Variants in IL3RA observed in about 807,000 individuals in gnomAD.
IL3RA encodes the protein interleukin 3 receptor subunit alpha, also known as interleukin-3 receptor subunit alpha.
IL3RA carries 73 observed loss-of-function variants against 52.3 expected under a neutral mutation model. That is an observed-to-expected ratio of 1.40 (90% CI 1.16 to 1.70). The LOEUF (loss-of-function observed/expected upper bound fraction) is 1.70, where lower values mean the gene tolerates loss of function less well. IL3RA is among the 40% of genes most tolerant of loss of function. The pLI, the probability that IL3RA is intolerant of heterozygous loss-of-function variation, is 0.00. For missense variants in IL3RA, 664 were observed against 504.4 expected (o/e 1.32, Z -3.03); for synonymous variants, 260 against 194.0 (o/e 1.34, Z -2.83).
intron 8 of IL3RA, among the ~76,000 whole-genome samples, chrX:1,362,120 GTC>G (rs201598218): frequency 2.1e-5 from 3 of 144,256 alleles, no homozygotes; most frequent in Non-Finnish European, 3.1e-5. Flanking sequence ...CTGTCTCTTT[GTC>G]TCTCTATGTC....
intron 8 of IL3RA, among the ~76,000 whole-genome samples, chrX:1,363,082 C>T (rs2087591460): frequency 6.6e-6 from 1 of 150,910 alleles, no homozygotes; most frequent in Admixed American, 6.6e-5. Flanking sequence ...GGCCACGTCT[C>T]CTCTTCTTAT....
At chrX:1,345,623 G>T (rs2085708751) in intron 3 of IL3RA, among the ~76,000 whole-genome samples, 189 bp downstream of exon 3, 1 of 151,774 alleles carries the variant, frequency 6.6e-6, no homozygotes, top group South Asian at 2.1e-4. Context: ...CCGAGTAGCT[G>T]GGACTACAGG....
intron 8 of IL3RA, among the ~76,000 whole-genome samples, chrX:1,359,593 T>C (rs2087011976): frequency 6.7e-6 from 1 of 149,962 alleles, no homozygotes; most frequent in South Asian, 2.1e-4. Context: ...CCCATCTCTC[T>C]CTGTGTCTCT....
chrX:1,347,182 C>G (rs1361384075), intron 3 of IL3RA, among the ~76,000 whole-genome samples: 1 of 150,326 alleles, frequency 6.7e-6, no homozygotes, highest in Non-Finnish European at 1.5e-5. Flanking sequence ...CGTGGTGGCT[C>G]ACGCCTGTCA....
intron 11 of IL3RA, 60 bp downstream of exon 11, chrX:1,381,164 C>A: frequency 6.6e-7 from 1 of 1,515,944 alleles, no homozygotes; most frequent in Non-Finnish European, 9.2e-7. Flanking sequence ...TTTGGGAGGC[C>A]CAGGCGGGCG....
At position 1,362,592 on chromosome X, in the gene IL3RA, TCTCC is replaced by T. The variant is rs200987006; in HGVS notation, c.760-2543_760-2540del. Among the ~76,000 whole-genome samples, 527 of 152,168 alleles carry T rather than the reference TCTCC, an allele frequency of 3.5e-3. 3 individuals are homozygous for T. The highest frequency in any genetic ancestry group is 0.012 in the African/African-American group (491 of 41,512). ...TTGTATCTCTTTCTCTCTCTCTGTC[TCTCC>T]CTGTCTGTTTCTATCTCCGTCCTCC... On this transcript the variant is annotated intron_variant, in intron 8 of 11. Transcript: ENST00000331035.
rs1261379286 is a variant in IL3RA, at chrX:1,348,669, TCTTTCTTTC to T, written c.298+125_298+133del. The T allele has an allele frequency of 6.6e-6, 3 of 457,252 alleles. No individual in the cohort carries two copies. In the African/African-American group the frequency reaches 1.7e-4, roughly 25 times the overall value. The allele number at this position is 457,252 out of a possible 1,614,324, so 28.3% of individuals were successfully genotyped here. ...CTCTTTCTTTCTTTCTTTCTTTCTTTCTTTCTTTCTTTCTTTCTTTCTTTTTCTTTCTTT... is the reference window on the plus strand; with the variant it reads ...CTCTTTCTTTCTTTCTTTCTTTCTTTTTTCTTTCTTTCTTTTTCTTTCTTT... On this transcript the variant is annotated intron_variant, in intron 4 of 11. Coordinates refer to ENST00000331035, the MANE Select transcript of IL3RA (RefSeq NM_002183.4).
In IL3RA at chrX:1,341,968, C is replaced by T. The variant is rs2085513670; in HGVS notation, c.64+139C>T. 9.0e-6 allele frequency: 8 copies of T among 886,604 alleles called. No individual in the cohort carries two copies. In the South Asian group the frequency reaches 1.2e-4, roughly 13 times the overall value. The allele number at this position is 886,604 out of a possible 1,614,324, so 54.9% of individuals were successfully genotyped here. A position where few individuals can be genotyped will look rare whatever the true frequency, so the allele number is the denominator to read the frequency against. On this transcript the variant is annotated intron_variant, in intron 2 of 11. Coordinates refer to ENST00000331035, the MANE Select transcript of IL3RA (RefSeq NM_002183.4). ...AGTCTCATGCAGTGGTCGGGAATGA[C>T]TCAGACACTTCCCTGTACCCGTCAC... is the stretch of plus-strand genomic sequence containing the variant.
At chrX:1,366,520 G>A (rs1485958347) in intron 9 of IL3RA, among the ~76,000 whole-genome samples, 1 of 91,960 alleles carries the variant, frequency 1.1e-5, no homozygotes, top group Non-Finnish European at 2.3e-5. Flanking sequence ...TGCGCGGGGT[G>A]AGCCCGGTGA....
intron 9 of IL3RA, among the ~76,000 whole-genome samples, chrX:1,368,765 A>C (rs6645273): frequency 0.03 from 4,055 of 137,030 alleles, 76 homozygotes; most frequent in East Asian, 0.12. Context: ...AGGAACCAGC[A>C]CTGCCCACAC....
chrX:1,355,461 G>A (rs1443519609), intron 6 of IL3RA, among the ~76,000 whole-genome samples: 4 of 128,848 alleles, frequency 3.1e-5, no homozygotes, highest in Non-Finnish European at 6.8e-5. Context: ...AGGAGGGTAG[G>A]AGGAGGGGGA....
At chrX:1,378,906 G>C (rs1268211505) in intron 10 of IL3RA, 142 bp downstream of exon 10, 3 of 795,622 alleles carry the variant, frequency 3.8e-6, no homozygotes, top group Non-Finnish European at 6.1e-6. Flanking sequence ...GCAGTGGCAC[G>C]ATCTGGGCTC....
intron 7 of IL3RA, among the ~76,000 whole-genome samples, chrX:1,357,308 T>C (rs1221991878): frequency 2.6e-5 from 4 of 151,462 alleles, no homozygotes; most frequent in Non-Finnish European, 5.9e-5. Context: ...ATTTATTTAT[T>C]TATTTTTGAG....
At chrX:1,382,020 C>T (rs1168881357) in intron 11 of IL3RA, among the ~76,000 whole-genome samples, 1 of 151,882 alleles carries the variant, frequency 6.6e-6, no homozygotes, top group Non-Finnish European at 1.5e-5. Context: ...TCTCGGCTCA[C>T]TGCAACCTCC....
intron 3 of IL3RA, among the ~76,000 whole-genome samples, chrX:1,346,815 T>A (rs2085761778): frequency 6.6e-6 from 1 of 151,270 alleles, no homozygotes; most frequent in African/African-American, 2.5e-5. Flanking sequence ...CACGTTTCCC[T>A]GAGAACCTAT....
chrX:1,353,969 GA>G (rs762027348), intron 6 of IL3RA, among the ~76,000 whole-genome samples: 2 of 60,078 alleles, frequency 3.3e-5, no homozygotes, highest in African/African-American at 8.4e-5. Context: ...TGGGTCGTGG[GA>G]CCCCCACCCC....
At chrX:1,367,419 C>A (rs868462722) in intron 9 of IL3RA, among the ~76,000 whole-genome samples, 3 of 29,424 alleles carry the variant, frequency 1.0e-4, no homozygotes, top group Admixed American at 3.8e-4. Context: ...GAGCCGGGTG[C>A]GCGGGGTGCG....
chrX:1,377,654 G>A (rs1465915298), intron 9 of IL3RA, among the ~76,000 whole-genome samples: 1 of 150,454 alleles, frequency 6.6e-6, no homozygotes, highest in African/African-American at 2.4e-5. Flanking sequence ...TGGGGGTGAG[G>A]TCATAGATGT....
chrX:1,361,557 C>G (rs1461197500), intron 8 of IL3RA, among the ~76,000 whole-genome samples: 1 of 151,938 alleles, frequency 6.6e-6, no homozygotes, highest in Non-Finnish European at 1.5e-5. Context: ...CAAGACCAGC[C>G]TGGCCAACAT....
Sources: gnomAD v4.1 joint callset for allele counts (sites outside exome capture counted in the v4.1 genomes callset) on GRCh38, gnomAD v4.1.1 for gene constraint, MANE v1.5 for transcripts, NCBI Gene and HGNC (gene_info 2026-07-23, HGNC 2026-07-21) for gene names.